PTPN12: variants seen among roughly 807,000 people sequenced by gnomAD.
The protein encoded by PTPN12 is tyrosine-protein phosphatase non-receptor type 12.
Under a neutral mutation model 97.6 loss-of-function variants are expected in PTPN12, and 29 were observed. That is an observed-to-expected ratio of 0.30 (90% CI 0.22 to 0.41). PTPN12 has a LOEUF of 0.41. Ranked by LOEUF, PTPN12 falls within the 10% of genes least tolerant of loss-of-function variation. The pLI, the probability that PTPN12 is intolerant of heterozygous loss-of-function variation, is 1.00. For synonymous variants in PTPN12, 327 were observed against 300.4 expected (o/e 1.09, Z -0.91); for missense variants, 819 against 926.0 (o/e 0.88, Z 1.50).
At chr7:77,564,756 T>TTTTTG (rs1808177469) in intron 1 of PTPN12, among the ~76,000 whole-genome samples, 4 of 91,062 alleles carry the variant, frequency 4.4e-5, no homozygotes, top group South Asian at 4.3e-4. Flanking sequence ...GTTTTTTTTT[T>TTTTTG]TTTTTTTTTT....
intron 2 of PTPN12, among the ~76,000 whole-genome samples, chr7:77,576,276 A>G (rs1787340383): frequency 6.6e-6 from 1 of 152,206 alleles, no homozygotes; most frequent in Non-Finnish European, 1.5e-5. Context: ...GCTGCTATGA[A>G]CATGTCATAC....
At chr7:77,609,670 G>T (rs1788496779) in intron 9 of PTPN12, among the ~76,000 whole-genome samples, 1 of 151,956 alleles carries the variant, frequency 6.6e-6, no homozygotes, top group South Asian at 2.1e-4. Context: ...CACGAGGTCA[G>T]CAGATTGAGA....
At position 77,632,390 on chromosome 7, in the gene PTPN12, G is replaced by C; in HGVS notation, c.2039G>C (p.Arg680Thr). The part of the protein sequence containing the change: ...SEDSPPPLPE[R>T]TPESFVLASE... ...GATTCACCTCCTCCCCTACCTGAAA[G>C]AACTCCTGAATCGTTTGTGTTAGCA... Residue 680 changes from arginine (R) to threonine (T), a missense_variant, in exon 14 of 18, where the codon AGA becomes ACA. Transcript: ENST00000248594. 1.9e-6 allele frequency: 3 copies of C among 1,611,430 alleles called. No individual in the cohort carries two copies. The highest frequency in any genetic ancestry group is 2.5e-6 in the Non-Finnish European group (3 of 1,177,712).
intron 2 of PTPN12, among the ~76,000 whole-genome samples, chr7:77,573,854 A>C (rs553201954): frequency 6.6e-6 from 1 of 152,164 alleles, no homozygotes; most frequent in Non-Finnish European, 1.5e-5. Flanking sequence ...TCTGCCTACC[A>C]GCTTCAAGCT....
At chr7:77,586,987 C>T (rs537227898) in intron 5 of PTPN12, among the ~76,000 whole-genome samples, 4 of 152,340 alleles carry the variant, frequency 2.6e-5, no homozygotes, top group African/African-American at 9.6e-5. Context: ...GTTTCCACCA[C>T]ATTTGCAGTT....
chr7:77,587,245 A>T lies in PTPN12; in HGVS notation c.420+1664A>T, dbSNP rs192108417. Among the ~76,000 whole-genome samples, 27 of 151,912 alleles carry T rather than the reference A, an allele frequency of 1.8e-4. No homozygotes were observed. In the East Asian group the frequency reaches 5.0e-3, roughly 28 times the overall value. On this transcript the variant is annotated intron_variant, in intron 5 of 17. Coordinates refer to ENST00000248594, the MANE Select transcript of PTPN12 (RefSeq NM_002835.4). ...TGTTTCTTAAATAATAAGACTTGAA[A>T]CTCAAAATTACTCCTTGATCCATGG...
intron 1 of PTPN12, among the ~76,000 whole-genome samples, chr7:77,539,417 T>C (rs937070061): frequency 6.6e-6 from 1 of 152,212 alleles, no homozygotes; most frequent in African/African-American, 2.4e-5. Context: ...AATTACTTTT[T>C]GATCTGAAAG....
At chr7:77,598,354 C>T (rs1474687124) in intron 7 of PTPN12, among the ~76,000 whole-genome samples, 1 of 152,040 alleles carries the variant, frequency 6.6e-6, no homozygotes, top group African/African-American at 2.4e-5. Context: ...TACAATACAC[C>T]CATGTAAGCT....
chr7:77,567,021 A>G (rs1340250889), intron 1 of PTPN12, among the ~76,000 whole-genome samples: 1 of 151,932 alleles, frequency 6.6e-6, no homozygotes, highest in East Asian at 1.9e-4. Flanking sequence ...ATGTTTCTCA[A>G]TAATACAGAA....
intron 1 of PTPN12, among the ~76,000 whole-genome samples, chr7:77,556,502 G>C (rs1328603973): frequency 6.6e-6 from 1 of 152,124 alleles, no homozygotes; most frequent in African/African-American, 2.4e-5. Flanking sequence ...TAAAACCCCA[G>C]CAGGTTAGGC....
chr7:77,574,004 G>A (rs962063586), intron 2 of PTPN12, among the ~76,000 whole-genome samples: 9 of 152,066 alleles, frequency 5.9e-5, no homozygotes, highest in Non-Finnish European at 1.5e-5. Context: ...CAGGTCATCC[G>A]CCTCCCTTGG....
chr7:77,624,544 A>C (rs1789065286), intron 12 of PTPN12, among the ~76,000 whole-genome samples: 1 of 151,852 alleles, frequency 6.6e-6, no homozygotes, highest in South Asian at 2.1e-4. Context: ...AATTCAAGTG[A>C]TTCTCCTGAC....
At chr7:77,632,068 C>T (rs1789417067) in intron 13 of PTPN12, among the ~76,000 whole-genome samples, 1 of 152,190 alleles carries the variant, frequency 6.6e-6, no homozygotes, top group African/African-American at 2.4e-5. Context: ...CACTTGCCAG[C>T]TGACTTCTCT....
At chr7:77,540,241 TTC>T (rs1474491595) in intron 1 of PTPN12, among the ~76,000 whole-genome samples, 16 of 150,528 alleles carry the variant, frequency 1.1e-4, no homozygotes, top group African/African-American at 3.4e-4. Context: ...CTTTCTTTCT[TTC>T]TTTTTTTTTT....
intron 13 of PTPN12, 56 bp downstream of exon 13, chr7:77,627,731 T>A (rs1789252477): frequency 7.0e-7 from 1 of 1,437,744 alleles, no homozygotes; most frequent in East Asian, 2.4e-5. Flanking sequence ...GTCACTGTTT[T>A]AAGCACTTTA....
At chr7:77,608,278 A>G (rs1788444417) in intron 9 of PTPN12, among the ~76,000 whole-genome samples, 1 of 152,232 alleles carries the variant, frequency 6.6e-6, no homozygotes, top group South Asian at 2.1e-4. Context: ...TAGTAGTAGT[A>G]ATGCATAAGA....
chr7:77,537,989 G>C (rs1009899391), intron 1 of PTPN12: 19 of 962,366 alleles, frequency 2.0e-5, no homozygotes, highest in South Asian at 3.4e-5. Flanking sequence ...GGGGGGGGGG[G>C]CTCGCGTTTC....
At chr7:77,596,036 T>G (rs937868146) in intron 6 of PTPN12, among the ~76,000 whole-genome samples, 10 of 152,302 alleles carry the variant, frequency 6.6e-5, no homozygotes, top group Middle Eastern at 3.4e-3. Context: ...TCATGTGTTA[T>G]GGAAAGGTAA....
intron 12 of PTPN12, among the ~76,000 whole-genome samples, chr7:77,620,018 C>G (rs1314140568): frequency 6.6e-6 from 1 of 152,188 alleles, no homozygotes; most frequent in East Asian, 1.9e-4. Context: ...ATTAAGTTCT[C>G]TAACTTCTCT....
Sources: allele counts gnomAD v4.1 joint callset (sites outside exome capture counted in the v4.1 genomes callset), GRCh38; gene constraint gnomAD v4.1.1; transcripts MANE v1.5; gene names NCBI Gene and HGNC (gene_info 2026-07-23, HGNC 2026-07-21).